Variants in GRIK4 observed in about 807,000 individuals in gnomAD.
The protein encoded by GRIK4 is glutamate receptor ionotropic, kainate 4.
A neutral mutation model predicts 104.9 loss-of-function variants in GRIK4; 40 were observed. That is an observed-to-expected ratio of 0.38 (90% CI 0.30 to 0.50). The LOEUF is 0.50. Ranked by LOEUF, GRIK4 falls within the 20% of genes least tolerant of loss-of-function variation. The probability of loss-of-function intolerance (pLI) is 0.93; values close to 1 mark genes in which losing one functional copy is unlikely to be tolerated. For synonymous variants in GRIK4, 485 were observed against 524.9 expected (o/e 0.92, Z 1.04); for missense variants, 1,047 against 1,308.1 (o/e 0.80, Z 3.08).
At chr11:120,911,139 T>C (rs1327290364) in intron 13 of GRIK4, among the ~76,000 whole-genome samples, 2 of 151,862 alleles carry the variant, frequency 1.3e-5, no homozygotes, top group Non-Finnish European at 2.9e-5. Flanking sequence ...AGGGCAACAC[T>C]GGAGGCAGGG....
intron 1 of GRIK4, among the ~76,000 whole-genome samples, chr11:120,559,306 G>A (rs745425060): frequency 5.9e-5 from 9 of 152,180 alleles, no homozygotes; most frequent in South Asian, 2.1e-4. Flanking sequence ...AAATGAGCTC[G>A]TGGGCACCAG....
chr11:120,575,112 A>G (rs1389307794), intron 1 of GRIK4, among the ~76,000 whole-genome samples: 1 of 152,070 alleles, frequency 6.6e-6, no homozygotes, highest in Non-Finnish European at 1.5e-5. Flanking sequence ...GCTCCAGAGG[A>G]CCCTGTTGTG....
intron 3 of GRIK4, among the ~76,000 whole-genome samples, chr11:120,678,620 GTT>G (rs10607182): frequency 0.46 from 67,236 of 146,022 alleles, 15,551 homozygotes; most frequent in East Asian, 0.54. Context: ...CACTAGAAGG[GTT>G]TTTTTTTTTT....
At position 120,939,710 on chromosome 11, in the gene GRIK4, G is replaced by A. The variant is rs138660216; in HGVS notation, c.1477-637G>A. Among the ~76,000 whole-genome samples the A allele has an allele frequency of 0.014, 2,057 of 152,288 alleles. 24 individuals are homozygous for A. The highest frequency in any genetic ancestry group is 0.051 in the Middle Eastern group (15 of 294). ...TCAATATTGAGAATGGGCCAGGCGC[G>A]GTGGCTCATGCCTATAATCCCATCA... is the stretch of plus-strand genomic sequence containing the variant. On this transcript the variant is annotated intron_variant, in intron 13 of 20. Transcript: ENST00000527524. This position sits in a 1 kb window ranked among gnomAD's most constrained non-coding sequence, Gnocchi z 5.6.
At chr11:120,977,034 C>T (rs1322467322) in intron 19 of GRIK4, among the ~76,000 whole-genome samples, 1 of 152,186 alleles carries the variant, frequency 6.6e-6, no homozygotes. Context: ...GTGCCATTCC[C>T]CTTTGTAGTT....
chr11:120,922,432 T>C (rs1044083264), intron 13 of GRIK4, among the ~76,000 whole-genome samples: 2 of 152,176 alleles, frequency 1.3e-5, no homozygotes, highest in Non-Finnish European at 2.9e-5. Context: ...ACCCCACAGC[T>C]AGGCCCTGCT....
Position 120,943,460 on chromosome 11 carries a change from T to C in GRIK4, c.1590+3000T>C, listed in dbSNP as rs151185639. 2.8e-3 allele frequency among the ~76,000 whole-genome samples: 424 copies of C among 152,264 alleles called. 1 individual carries two copies. The highest frequency in any genetic ancestry group is 9.6e-3 in the African/African-American group (399 of 41,534). On this transcript the variant is annotated intron_variant, in intron 14 of 20. Coordinates refer to ENST00000527524, the MANE Select transcript of GRIK4 (RefSeq NM_014619.5). The stretch of plus-strand genomic sequence containing the variant: ...AATAAGTCTGAGATGAACGTTGTTA[T>C]GTCTGAAACAGAGGAGGGCCTTAGG...
At chr11:120,666,106 A>G (rs1949910253) in intron 3 of GRIK4, among the ~76,000 whole-genome samples, 1 of 152,246 alleles carries the variant, frequency 6.6e-6, no homozygotes, top group South Asian at 2.1e-4. Context: ...TGGTGGTGCC[A>G]GGACTCCTGA....
intron 3 of GRIK4, among the ~76,000 whole-genome samples, chr11:120,782,686 C>A (rs772017130): frequency 6.6e-6 from 1 of 152,200 alleles, no homozygotes; most frequent in African/African-American, 2.4e-5. Context: ...AGATTCCTCC[C>A]GTGGCTATGT....
chr11:120,664,976 T>C (rs55866139), intron 3 of GRIK4, among the ~76,000 whole-genome samples: 1 of 124,868 alleles, frequency 8.0e-6, no homozygotes, highest in Non-Finnish European at 1.7e-5. Flanking sequence ...TATTTTATAC[T>C]CTGTCTTACG....
At chr11:120,791,308 G>T (rs1035149189) in intron 3 of GRIK4, among the ~76,000 whole-genome samples, 2 of 152,190 alleles carry the variant, frequency 1.3e-5, no homozygotes, top group Non-Finnish European at 2.9e-5. Context: ...TCTAATAGAT[G>T]TGTAGTAATA....
At chr11:120,772,227 C>G (rs1327956222) in intron 3 of GRIK4, among the ~76,000 whole-genome samples, 1 of 151,848 alleles carries the variant, frequency 6.6e-6, no homozygotes, top group Non-Finnish European at 1.5e-5. Context: ...AACAAACAAA[C>G]AAACAAAAAA....
chr11:120,914,516 T>C (rs545678947), intron 13 of GRIK4, among the ~76,000 whole-genome samples: 89 of 151,912 alleles, frequency 5.9e-4, no homozygotes, highest in Non-Finnish European at 1.2e-3. Flanking sequence ...AAATGACGAG[T>C]GAGCAGAGCA....
intron 12 of GRIK4, among the ~76,000 whole-genome samples, chr11:120,899,966 A>G (rs1278138728): frequency 6.6e-6 from 1 of 152,234 alleles, no homozygotes; most frequent in African/African-American, 2.4e-5. Flanking sequence ...AAGGACCTCC[A>G]TCACTATCTT....
At position 120,783,427 on chromosome 11, in the gene GRIK4, T is replaced by C. The variant is rs147502030; in HGVS notation, c.83-19266T>C. ...TCTCCTGCCTTCCTCTTTCCTTCCT[T>C]CTCGCCTTCCCTGTTCCCTTCCCTC... On this transcript the variant is annotated intron_variant, in intron 3 of 20. Transcript: ENST00000527524. Among the ~76,000 whole-genome samples, 61 of 152,264 alleles carry C rather than the reference T, an allele frequency of 4.0e-4. No homozygotes were observed. In the East Asian group the frequency reaches 0.011, roughly 28 times the overall value.
At chr11:120,701,881 AC>A (rs1255166736) in intron 3 of GRIK4, among the ~76,000 whole-genome samples, 1 of 151,978 alleles carries the variant, frequency 6.6e-6, no homozygotes, top group Non-Finnish European at 1.5e-5. Flanking sequence ...GGTAAAGCCA[AC>A]AGAATTTCTT....
At chr11:120,710,999 G>GGGT (rs1565308783) in intron 3 of GRIK4, among the ~76,000 whole-genome samples, 2 of 149,906 alleles carry the variant, frequency 1.3e-5, no homozygotes, top group Non-Finnish European at 2.9e-5. Flanking sequence ...CTGTGAGGTG[G>GGGT]GGAGGGGGTG....
intron 11 of GRIK4, among the ~76,000 whole-genome samples, chr11:120,896,062 G>T (rs184035962): frequency 6.6e-6 from 1 of 152,178 alleles, no homozygotes; most frequent in African/African-American, 2.4e-5. Flanking sequence ...GTTTTCCCTC[G>T]CTTCCAAAGC....
chr11:120,592,291 T>A (rs917336757), intron 1 of GRIK4, among the ~76,000 whole-genome samples: 1 of 152,198 alleles, frequency 6.6e-6, no homozygotes, highest in Non-Finnish European at 1.5e-5. Context: ...TGTGCGGAAG[T>A]CCATGGGGAA....
Sources: gnomAD v4.1 joint callset for allele counts (sites outside exome capture counted in the v4.1 genomes callset) on GRCh38, gnomAD v4.1.1 for gene constraint, Gnocchi (gnomAD v3.1) non-coding constraint, MANE v1.5 for transcripts, NCBI Gene and HGNC (gene_info 2026-07-23, HGNC 2026-07-21) for gene names.